The following LAMA2 variants were observed in gnomAD, a reference collection of about 807,000 sequenced individuals.
LAMA2 encodes the protein laminin subunit alpha-2.
A neutral mutation model predicts 364.8 loss-of-function variants in LAMA2; 269 were observed. The observed-to-expected ratio is 0.74, with a 90% confidence interval of 0.67 to 0.82. The LOEUF (loss-of-function observed/expected upper bound fraction) is 0.82. Ranked by LOEUF, LAMA2 falls within the 40% of genes least tolerant of loss-of-function variation. The pLI is 0.00. For missense variants in LAMA2, 3,807 were observed against 3,873.2 expected, an observed-to-expected ratio of 0.98 and a Z score of 0.45; for synonymous variants, 1,379 against 1,370.6, an observed-to-expected ratio of 1.01 and a Z score of -0.14.
chr6:128,892,003 C>T (rs1420457098), intron 1 of LAMA2, among the ~76,000 whole-genome samples: 11 of 151,960 alleles, frequency 7.2e-5, no homozygotes, highest in South Asian at 2.1e-4. Context: ...ATTTTCTATT[C>T]GTAAGATAGG....
intron 1 of LAMA2, among the ~76,000 whole-genome samples, chr6:128,885,212 G>C (rs1433768831): frequency 6.6e-6 from 1 of 152,080 alleles, no homozygotes; most frequent in Non-Finnish European, 1.5e-5. Context: ...CAATATATCT[G>C]GAGGTTGGCT....
At chr6:129,055,148 A>G (rs1197130072) in intron 2 of LAMA2, among the ~76,000 whole-genome samples, 2 of 136,848 alleles carry the variant, frequency 1.5e-5, no homozygotes, top group African/African-American at 5.7e-5. Context: ...AACCAGTCAC[A>G]GTCTGGATTT....
chr6:129,151,873 C>T (rs1219582043), intron 7 of LAMA2, among the ~76,000 whole-genome samples: 1 of 152,112 alleles, frequency 6.6e-6, no homozygotes, highest in East Asian at 1.9e-4. Context: ...ATATCACTGT[C>T]TTTCTGAAGA....
At chr6:129,483,067 GAA>G (rs60077511) in intron 55 of LAMA2, among the ~76,000 whole-genome samples, 6 of 102,808 alleles carry the variant, frequency 5.8e-5, no homozygotes, top group Non-Finnish European at 1.1e-4. Context: ...ACTCCGACTC[GAA>G]AAAAAAAAAA....
rs748981138 is a variant in LAMA2, at chr6:128,980,046, C to T, written c.113-69872C>T. Among the ~76,000 whole-genome samples the T allele has an allele frequency of 1.1e-3, 167 of 152,172 alleles. 1 individual carries two copies. The highest frequency in any genetic ancestry group is 1.7e-3 in the Non-Finnish European group (114 of 68,002). ...GTTGCAAACAACAAACTTTTTTCTC[C>T]CACTCACAATACAGGTTCATCATAG... On this transcript the variant is annotated intron_variant, in intron 1 of 64. Coordinates refer to ENST00000421865, the MANE Select transcript of LAMA2 (RefSeq NM_000426.4).
At chr6:129,281,979 A>T (rs1788748858) in intron 18 of LAMA2, among the ~76,000 whole-genome samples, 1 of 152,194 alleles carries the variant, frequency 6.6e-6, no homozygotes, top group South Asian at 2.1e-4. Context: ...TTGAAGTAGA[A>T]GAGAGGGAAG....
At chr6:129,503,920 G>C (rs904256844) in intron 60 of LAMA2, among the ~76,000 whole-genome samples, 1 of 152,142 alleles carries the variant, frequency 6.6e-6, no homozygotes, top group Non-Finnish European at 1.5e-5. Flanking sequence ...GGCACAGAAG[G>C]CTCATTTGCC....
At chr6:129,252,323 T>G in intron 14 of LAMA2, 28 bp downstream of exon 14, 1 of 1,560,826 alleles carries the variant, frequency 6.4e-7, no homozygotes, top group Non-Finnish European at 8.8e-7. Flanking sequence ...AGCTCCAACG[T>G]TCACACATTT....
chr6:128,959,871 C>T (rs1219233478), intron 1 of LAMA2, among the ~76,000 whole-genome samples: 4 of 151,554 alleles, frequency 2.6e-5, no homozygotes, highest in Non-Finnish European at 4.4e-5. Context: ...ATTCCATGAT[C>T]GTATAAAATT....
At chr6:129,440,261 G>A (rs1255914022) in intron 42 of LAMA2, among the ~76,000 whole-genome samples, 2 of 152,022 alleles carry the variant, frequency 1.3e-5, no homozygotes, top group Non-Finnish European at 2.9e-5. Context: ...AATCTCGGTG[G>A]TTTTTACTTT....
At chr6:129,215,728 C>G (rs1411943763) in intron 12 of LAMA2, among the ~76,000 whole-genome samples, 1 of 152,068 alleles carries the variant, frequency 6.6e-6, no homozygotes, top group Non-Finnish European at 1.5e-5. Context: ...AGTGTAAATA[C>G]TACTTCTTAG....
At chr6:129,180,374 T>C (rs959999661) in intron 10 of LAMA2, among the ~76,000 whole-genome samples, 7 of 152,168 alleles carry the variant, frequency 4.6e-5, no homozygotes, top group African/African-American at 1.7e-4. Flanking sequence ...TATGAAATAA[T>C]GTGTATATAA....
At chr6:129,432,489 G>A (rs1781645329) in intron 41 of LAMA2, among the ~76,000 whole-genome samples, 1 of 152,150 alleles carries the variant, frequency 6.6e-6, no homozygotes, top group African/African-American at 2.4e-5. Flanking sequence ...TAAAAATGGG[G>A]CTTAGAGCTA....
intron 8 of LAMA2, chr6:129,159,260 T>C (rs1779314815): frequency 5.3e-6 from 4 of 754,858 alleles, no homozygotes; most frequent in Non-Finnish European, 9.3e-6. Flanking sequence ...CTCCCACTGC[T>C]TTCTTACGAC....
chr6:129,059,723 G>C (rs993550908), intron 2 of LAMA2, 61 bp from the exon 3 acceptor site: 1 of 1,021,678 alleles, frequency 9.8e-7, no homozygotes, highest in Non-Finnish European at 1.6e-6. Flanking sequence ...TAAAGAAAAA[G>C]CTATAAACTA....
intron 10 of LAMA2, among the ~76,000 whole-genome samples, chr6:129,178,560 T>C (rs1780747762): frequency 6.6e-6 from 1 of 152,168 alleles, no homozygotes; most frequent in African/African-American, 2.4e-5. Context: ...TTCTATAACA[T>C]TCTGACCAGA....
Position 129,393,264 on chromosome 6 carries a change from TA to T in LAMA2, c.5445+10del. The T allele has an allele frequency of 1.2e-6, 2 of 1,601,454 alleles. No homozygotes were observed. Among genetic ancestry groups the T allele is most frequent in the Non-Finnish European group, 1.7e-6 (2 of 1,168,610 alleles). On this transcript the variant is annotated intron_variant, in intron 37 of 64. Transcript: ENST00000421865. ...ACATGACTGCATTGGAGGTGAGTCTTAGGGGCACTTTTATCTTAATCTCAGA... is the reference window on the plus strand; with the variant it reads ...ACATGACTGCATTGGAGGTGAGTCTTGGGGCACTTTTATCTTAATCTCAGA...
At chr6:129,128,190 G>A (rs554970267) in intron 4 of LAMA2, among the ~76,000 whole-genome samples, 9 of 152,222 alleles carry the variant, frequency 5.9e-5, no homozygotes, top group Admixed American at 5.9e-4. Context: ...TGTGAAATAA[G>A]GGGCCAATTT....
In LAMA2 at chr6:128,950,057, A is replaced by T. The variant is rs868553724; in HGVS notation, c.112+66700A>T. Among the ~76,000 whole-genome samples the T allele has an allele frequency of 7.2e-5, 11 of 152,348 alleles. No homozygotes were observed. In the South Asian group the frequency reaches 1.4e-3, roughly 20 times the overall value. On this transcript the variant is annotated intron_variant, in intron 1 of 64. Transcript: ENST00000421865. ...GGAGAATTTAGATACTAAAAATTTA[A>T]GTCAAATATTGTTTAAGTACTTACA...
Sources: allele counts gnomAD v4.1 joint callset (sites outside exome capture counted in the v4.1 genomes callset), GRCh38; gene constraint gnomAD v4.1.1; transcripts MANE v1.5; gene names NCBI Gene and HGNC (gene_info 2026-07-23, HGNC 2026-07-21).